PABPC4L: variants seen among roughly 807,000 people sequenced by gnomAD.
The protein encoded by PABPC4L is polyadenylate-binding protein 4-like.
For synonymous variants in PABPC4L, 169 were observed against 164.1 expected, an observed-to-expected ratio of 1.03 and a Z score of -0.23; for missense variants, 452 against 451.4, an observed-to-expected ratio of 1.00 and a Z score of -0.01.
chr4:133,967,839 C>T, the PABPC4L span, among the ~76,000 whole-genome samples: 1 of 152,086 alleles, frequency 6.6e-6, no homozygotes, highest in Non-Finnish European at 1.5e-5. Context: ...GAATGTGATG[C>T]CAAGCAACTT....
At chr4:134,067,879 G>A in the PABPC4L span, among the ~76,000 whole-genome samples, 1 of 152,028 alleles carries the variant, frequency 6.6e-6, no homozygotes, top group Non-Finnish European at 1.5e-5. Flanking sequence ...ATTGCATTGT[G>A]GTCTGAGAGT....
chr4:134,174,301 TAGTA>T, the PABPC4L span, among the ~76,000 whole-genome samples: 1 of 151,968 alleles, frequency 6.6e-6, no homozygotes, highest in Non-Finnish European at 1.5e-5. Context: ...TAAAAAAAAA[TAGTA>T]AGTAGAAGTA....
the PABPC4L span, among the ~76,000 whole-genome samples, chr4:134,060,527 CCAGT>C: frequency 1.3e-5 from 2 of 151,628 alleles, no homozygotes; most frequent in Admixed American, 1.3e-4. Context: ...AGATAGGACA[CCAGT>C]CAGAGTTGTG....
At chr4:134,052,583 C>G in the PABPC4L span, among the ~76,000 whole-genome samples, 1 of 151,762 alleles carries the variant, frequency 6.6e-6, no homozygotes, top group Non-Finnish European at 1.5e-5. Flanking sequence ...CTTGTCGGTT[C>G]ATTTCTCCCT....
the PABPC4L span, among the ~76,000 whole-genome samples, chr4:134,049,569 A>G: frequency 1.8e-3 from 273 of 152,226 alleles, 3 homozygotes; most frequent in Middle Eastern, 0.027. Flanking sequence ...TTTAACACGG[A>G]AAAACTAGCC....
the PABPC4L span, among the ~76,000 whole-genome samples, chr4:133,979,946 G>T: frequency 6.6e-6 from 1 of 151,922 alleles, no homozygotes. Context: ...AGTGTTATAT[G>T]TATTTCTATT....
At chr4:134,159,687 A>T in the PABPC4L span, among the ~76,000 whole-genome samples, 1 of 152,068 alleles carries the variant, frequency 6.6e-6, no homozygotes, top group African/African-American at 2.4e-5. Context: ...GGCCCCAAAT[A>T]AATTTCAGTG....
the PABPC4L span, among the ~76,000 whole-genome samples, chr4:134,115,451 T>C: frequency 2.0e-5 from 3 of 151,804 alleles, no homozygotes; most frequent in African/African-American, 4.8e-5. Flanking sequence ...TATGGAATTA[T>C]AGAATAGGAA....
the PABPC4L span, among the ~76,000 whole-genome samples, chr4:133,966,042 A>G: frequency 6.6e-6 from 1 of 152,116 alleles, no homozygotes; most frequent in African/African-American, 2.4e-5. Flanking sequence ...AAACCACAGA[A>G]TGGGAGACAA....
At chr4:134,038,382 G>T in the PABPC4L span, among the ~76,000 whole-genome samples, 2 of 152,122 alleles carry the variant, frequency 1.3e-5, no homozygotes, top group Non-Finnish European at 2.9e-5. Flanking sequence ...GTTTTGAATA[G>T]TTTCAGGAGG....
chr4:134,051,320 T>A, the PABPC4L span, among the ~76,000 whole-genome samples: 1 of 152,186 alleles, frequency 6.6e-6, no homozygotes, highest in African/African-American at 2.4e-5. Flanking sequence ...AGGCCATAAC[T>A]GTTTTGATCA....
chr4:134,119,828 T>C, the PABPC4L span, among the ~76,000 whole-genome samples: 2 of 151,724 alleles, frequency 1.3e-5, no homozygotes, highest in East Asian at 1.9e-4. Flanking sequence ...TCATATGAAG[T>C]GTCCTCTTTT....
At chr4:133,981,580 G>A in the PABPC4L span, among the ~76,000 whole-genome samples, 11 of 151,832 alleles carry the variant, frequency 7.2e-5, no homozygotes, top group Non-Finnish European at 1.0e-4. Context: ...ATAATACTTC[G>A]GTCTGTTGAA....
At chr4:134,037,155 T>C in the PABPC4L span, among the ~76,000 whole-genome samples, 1 of 152,110 alleles carries the variant, frequency 6.6e-6, no homozygotes, top group Non-Finnish European at 1.5e-5. Context: ...CCATAAATTT[T>C]AGGATTGTCT....
At chr4:134,174,035 TATTC>T in the PABPC4L span, among the ~76,000 whole-genome samples, 2 of 152,120 alleles carry the variant, frequency 1.3e-5, no homozygotes, top group African/African-American at 4.8e-5. Context: ...TTTATATCCT[TATTC>T]AATAAGCTTC....
chr4:134,076,236 T>C, the PABPC4L span, among the ~76,000 whole-genome samples: 5 of 152,308 alleles, frequency 3.3e-5, no homozygotes, highest in South Asian at 2.1e-4. Context: ...GGTCTGAAAG[T>C]TTCTGATGAC....
the PABPC4L span, among the ~76,000 whole-genome samples, chr4:134,163,898 G>A: frequency 6.6e-6 from 1 of 152,004 alleles, no homozygotes; most frequent in Non-Finnish European, 1.5e-5. Flanking sequence ...AGTTAACATG[G>A]AAAAGTTGAA....
the PABPC4L span, among the ~76,000 whole-genome samples, chr4:133,985,774 C>T: frequency 1.3e-5 from 2 of 151,852 alleles, no homozygotes; most frequent in East Asian, 3.9e-4. Flanking sequence ...ATTCTTGAAT[C>T]CCAAAACATT....
the PABPC4L span, among the ~76,000 whole-genome samples, chr4:134,119,140 G>A: frequency 0.7 from 106,329 of 151,404 alleles, 38,729 homozygotes; most frequent in East Asian, 1. Flanking sequence ...AAGTATTATC[G>A]CATAACCACA....
Sources: allele counts gnomAD v4.1 joint callset (sites outside exome capture counted in the v4.1 genomes callset), GRCh38; gene constraint gnomAD v4.1.1; transcripts MANE v1.5; gene names NCBI Gene and HGNC (gene_info 2026-07-23, HGNC 2026-07-21).